RFTN1: variants seen among roughly 807,000 people sequenced by gnomAD.
RFTN1 encodes raftlin.
RFTN1 carries 26 observed loss-of-function variants against 46.5 expected under a neutral mutation model. The ratio of observed to expected loss-of-function variants is 0.56; its 90% CI spans 0.41 to 0.78. The LOEUF is 0.78. RFTN1 is among the 30% of genes least tolerant of loss of function. The pLI is 0.00. For synonymous variants in RFTN1, 261 were observed against 284.2 expected (o/e 0.92, Z 0.82); for missense variants, 693 against 718.7 (o/e 0.96, Z 0.41).
intron 2 of RFTN1, among the ~76,000 whole-genome samples, chr3:16,470,129 A>G (rs1249294936): frequency 6.6e-6 from 1 of 152,164 alleles, no homozygotes; most frequent in African/African-American, 2.4e-5. Context: ...TCTATCTTTA[A>G]AATGGGGATA....
chr3:16,428,645 C>T lies in RFTN1; in HGVS notation c.332+5206G>A, dbSNP rs909064292. Among the ~76,000 whole-genome samples, 1 of 152,146 alleles carries T rather than the reference C, an allele frequency of 6.6e-6. No individual in the cohort carries two copies. The highest frequency in any genetic ancestry group is 2.4e-5 in the African/African-American group (1 of 41,428). ...TAAGGCATTACTCTACGGAAGCTGTCGCCAAAGGACTTCAACTCATTCATG... is the reference window on the plus strand; with the variant it reads ...TAAGGCATTACTCTACGGAAGCTGTTGCCAAAGGACTTCAACTCATTCATG... On this transcript the variant is annotated intron_variant, in intron 3 of 9. Coordinates refer to ENST00000334133, the MANE Select transcript of RFTN1 (RefSeq NM_015150.2). This position sits in a 1 kb window ranked among gnomAD's most constrained non-coding sequence, Gnocchi z 4.7.
At position 16,345,630 on chromosome 3, in the gene RFTN1, A is replaced by G. The variant is rs1247495287; in HGVS notation, c.1146+12302T>C. On this transcript the variant is annotated intron_variant, in intron 7 of 9. Transcript: ENST00000334133. This position sits in a 1 kb window ranked among gnomAD's most constrained non-coding sequence, Gnocchi z 5.2. ...TCTGCCCTTGTTGCTCCTGGTTCTC[A>G]GGGCTTGGGACCTGGACTGGAGTCC... Among the ~76,000 whole-genome samples the G allele has an allele frequency of 6.6e-6, 1 of 152,066 alleles. No individual in the cohort carries two copies. Among genetic ancestry groups the G allele is most frequent in the African/African-American group, 2.4e-5 (1 of 41,404 alleles).
rs772014458 is a variant in RFTN1, at chr3:16,326,802, C to T, written c.1221G>A (p.Val407=). ...LAAYGWQLTC[V]LPTPVVKTTS... ...TAGTCTTGACGACGGGAGTTGGTAG[C>T]ACACAGGTGAGCTGCCAGCCATAGG... The change falls in exon 8 of 10, where the codon GTG becomes GTA. Residue 407 remains valine (V), a synonymous_variant. Transcript: ENST00000334133. 6.2e-7 allele frequency: 1 copy of T among 1,614,164 alleles called. No homozygotes were observed. The highest frequency in any genetic ancestry group is 8.5e-7 in the Non-Finnish European group (1 of 1,180,038).
intron 2 of RFTN1, among the ~76,000 whole-genome samples, chr3:16,470,122 A>G (rs751553426): frequency 1.6e-4 from 25 of 152,124 alleles, no homozygotes; most frequent in Non-Finnish European, 2.8e-4. Flanking sequence ...TCATTTGTCT[A>G]TCTTTAAAAT....
intron 2 of RFTN1, among the ~76,000 whole-genome samples, chr3:16,478,941 C>T (rs944304522): frequency 1.3e-5 from 2 of 152,146 alleles, no homozygotes; most frequent in Non-Finnish European, 2.9e-5. Context: ...AACCTAATCT[C>T]GGAAGTGATA....
rs996978817 is a variant in RFTN1, at chr3:16,513,099, C to G, written c.-9+343G>C. The G allele has an allele frequency of 6.5e-6, 1 of 152,778 alleles. No homozygotes were observed. The allele number at this position is 152,778 out of a possible 1,614,324, so 9.5% of individuals were successfully genotyped here. A position where few individuals can be genotyped will look rare whatever the true frequency, so the allele number is the denominator to read the frequency against. ...TAGCCTCCAAGCTCCCCCACCTCTG[C>G]GTCCTTCCTAGGCGCTTCTGAGCCT... On this transcript the variant is annotated intron_variant, in intron 1 of 9. Transcript: ENST00000334133. This position sits in a 1 kb window ranked among gnomAD's most constrained non-coding sequence, Gnocchi z 5.4.
chr3:16,485,211 A>C lies in RFTN1; in HGVS notation c.145+8514T>G, dbSNP rs2076428410. The stretch of plus-strand genomic sequence containing the variant: ...AATAGCCCCAAACTGGAAATTTCCC[A>C]AATGTTCAACAGGAAAATGATTCAA... On this transcript the variant is annotated intron_variant, in intron 2 of 9. Coordinates refer to ENST00000334133, the MANE Select transcript of RFTN1 (RefSeq NM_015150.2). Among the ~76,000 whole-genome samples the C allele has an allele frequency of 2.0e-5, 3 of 152,348 alleles. No homozygotes were observed. The South Asian group carries it at 6.2e-4, about 32-fold the overall frequency.
In RFTN1 at chr3:16,433,950, G is replaced by A. The variant is rs749546322; in HGVS notation, c.233C>T (p.Ser78Leu). The A allele has an allele frequency of 3.3e-5, 53 of 1,614,002 alleles. No homozygotes were observed. The highest frequency in any genetic ancestry group is 4.5e-5 in the East Asian group (2 of 44,894). ...CACGAAGGGGTGCAGGGCCGCCAGC[G>A]AGAAGCCCTGCTGGTACAGCTCCAG... Reference protein sequence around the residue: ...QLLELYQQGFSLAALHPFVQP... With the variant: ...QLLELYQQGFLLAALHPFVQP... Residue 78 changes from serine to leucine, a missense_variant, in exon 3 of 10, where the codon TCG (serine) becomes TTG (leucine). Physicochemically the swap from Ser to Leu is moderately radical, Grantham distance 145. Coordinates refer to ENST00000334133, the MANE Select transcript of RFTN1 (RefSeq NM_015150.2). This position sits in a 1 kb window ranked among gnomAD's most constrained non-coding sequence, Gnocchi z 4.4.
chr3:16,323,322 C>A (rs2069295159), intron 9 of RFTN1, 54 bp downstream of exon 9: 4 of 1,333,140 alleles, frequency 3.0e-6, no homozygotes, highest in South Asian at 1.2e-5. Flanking sequence ...AGAAAATCCA[C>A]TGAAGATGAA....
chr3:16,487,519 G>C (rs2076468852), intron 2 of RFTN1, among the ~76,000 whole-genome samples: 1 of 152,250 alleles, frequency 6.6e-6, no homozygotes, highest in African/African-American at 2.4e-5. Context: ...AATGTGGCTA[G>C]TGTGACAGAA....
At position 16,334,699 on chromosome 3, in the gene RFTN1, C is replaced by A. The variant is rs1457355892; in HGVS notation, c.1147-7823G>T. 6.6e-6 allele frequency among the ~76,000 whole-genome samples: 1 copy of A among 152,166 alleles called. No individual in the cohort carries two copies. Among genetic ancestry groups the A allele is most frequent in the Admixed American group, 6.5e-5 (1 of 15,274 alleles). ...TCCAGGAGGCAACTAAATGAAACAG[C>A]CTGTGGTAGACAGAATAATGGCCCC... On this transcript the variant is annotated intron_variant, in intron 7 of 9. Transcript: ENST00000334133. This position sits in a 1 kb window ranked among gnomAD's most constrained non-coding sequence, Gnocchi z 4.3.
At chr3:16,392,904 C>T (rs1482696651) in intron 4 of RFTN1, among the ~76,000 whole-genome samples, 2 of 152,074 alleles carry the variant, frequency 1.3e-5, no homozygotes, top group African/African-American at 4.8e-5. Context: ...GTCTCCTAAC[C>T]CTCTGTACTT....
intron 6 of RFTN1, among the ~76,000 whole-genome samples, chr3:16,358,462 G>GGAAGA (rs768877149): frequency 6.6e-5 from 10 of 151,462 alleles, no homozygotes; most frequent in Non-Finnish European, 1.3e-4. Context: ...TTTTTTAAAG[G>GGAAGA]GAAGAGATAT....
In RFTN1 at chr3:16,345,331, T is replaced by G. The variant is rs1420813167; in HGVS notation, c.1146+12601A>C. 1 of 151,020 alleles carries G rather than the reference T, an allele frequency of 6.6e-6. No homozygotes were observed. Among genetic ancestry groups the G allele is most frequent in the African/African-American group, 2.5e-5 (1 of 40,528 alleles). 9.4% of individuals were successfully genotyped at this position (151,020 alleles called of 1,614,324 possible). A position where few individuals can be genotyped will look rare whatever the true frequency, so the allele number is the denominator to read the frequency against. ...AGCTGTTATAGAATTATCTCCCACT[T>G]TTTTATCTCAAACACATTGGGAAAA... is the stretch of plus-strand genomic sequence containing the variant. On this transcript the variant is annotated intron_variant, in intron 7 of 9. Coordinates refer to ENST00000334133, the MANE Select transcript of RFTN1 (RefSeq NM_015150.2). This position sits in a 1 kb window ranked among gnomAD's most constrained non-coding sequence, Gnocchi z 5.2.
intron 6 of RFTN1, among the ~76,000 whole-genome samples, chr3:16,359,468 CT>C (rs2072688892): frequency 1.3e-5 from 2 of 152,062 alleles, no homozygotes; most frequent in Non-Finnish European, 2.9e-5. Flanking sequence ...AGGATGGGGC[CT>C]TAGTCTAATA....
At chr3:16,398,698 C>A (rs1423254749) in intron 4 of RFTN1, among the ~76,000 whole-genome samples, 1 of 152,146 alleles carries the variant, frequency 6.6e-6, no homozygotes, top group African/African-American at 2.4e-5. Flanking sequence ...CAGGCAAAGT[C>A]ATGTCAGCCT....
chr3:16,461,333 T>G (rs2076005581), intron 2 of RFTN1, among the ~76,000 whole-genome samples: 1 of 152,244 alleles, frequency 6.6e-6, no homozygotes, highest in South Asian at 2.1e-4. Context: ...CATATATATA[T>G]TTCTTTAAAA....
rs2074116176 is a variant in RFTN1 at position 16,384,931 on chromosome 3, C to T, written c.442-6829G>A. Among the ~76,000 whole-genome samples, 1 of 152,116 alleles carries T rather than the reference C, an allele frequency of 6.6e-6. No individual in the cohort carries two copies. Among genetic ancestry groups the T allele is most frequent in the Admixed American group, 6.5e-5 (1 of 15,278 alleles). Reference sequence around the variant, plus strand: ...CTCTGCTATAGAGCATAATAAATCACATAAAATACTGAATAATAGAGTTTT... The same window carrying T: ...CTCTGCTATAGAGCATAATAAATCATATAAAATACTGAATAATAGAGTTTT... On this transcript the variant is annotated intron_variant, in intron 4 of 9. Transcript: ENST00000334133. The surrounding 1 kb of genome is among the most constrained non-coding windows in gnomAD (Gnocchi z 4.7).
rs2075973186 is a variant in RFTN1, at chr3:16,459,575, G to C, written c.146-25538C>G. Among the ~76,000 whole-genome samples, 1 of 152,112 alleles carries C rather than the reference G, an allele frequency of 6.6e-6. No individual in the cohort carries two copies. The highest frequency in any genetic ancestry group is 6.5e-5 in the Admixed American group (1 of 15,274). On this transcript the variant is annotated intron_variant, in intron 2 of 9. Transcript: ENST00000334133. The surrounding 1 kb of genome is among the most constrained non-coding windows in gnomAD (Gnocchi z 4.2). ...GCCACTGCACTCAGCCTGGGTGACAGAGTGAGACCCTGTGTTTCTAAAATA... is the reference window on the plus strand; with the variant it reads ...GCCACTGCACTCAGCCTGGGTGACACAGTGAGACCCTGTGTTTCTAAAATA...
Sources: allele counts gnomAD v4.1 joint callset (sites outside exome capture counted in the v4.1 genomes callset), GRCh38; gene constraint gnomAD v4.1.1; non-coding constraint Gnocchi (gnomAD v3.1); transcripts MANE v1.5; gene names NCBI Gene and HGNC (gene_info 2026-07-23, HGNC 2026-07-21).